The following KHNYN variants were observed in gnomAD, a reference collection of about 807,000 sequenced individuals.
KHNYN encodes KH and NYN domain containing.
A neutral mutation model predicts 62.7 loss-of-function variants in KHNYN; 42 were observed. The ratio of observed to expected loss-of-function variants is 0.67; its 90% CI spans 0.52 to 0.87. KHNYN has a LOEUF of 0.87. Among genes scored for constraint, KHNYN ranks in the 40% least tolerant of loss-of-function variants. KHNYN has a pLI of 0.00. For synonymous variants in KHNYN, 347 were observed against 345.6 expected, an observed-to-expected ratio of 1.00 and a Z score of -0.04; for missense variants, 829 against 874.1, an observed-to-expected ratio of 0.95 and a Z score of 0.65.
chr14:24,428,641 G>T, upstream of KHNYN: 1 of 1,279,800 alleles, frequency 7.8e-7, no homozygotes, highest in Non-Finnish European at 1.1e-6. Context: ...ATTAGTGAAA[G>T]ATGTAGGAAG....
chr14:24,430,491 C>G lies in KHNYN; in HGVS notation c.-17-223C>G, dbSNP rs909141415. 5 of 1,373,620 alleles carry G rather than the reference C, an allele frequency of 3.6e-6. No individual in the cohort carries two copies. The African/African-American group carries it at 4.4e-5, about 12-fold the overall frequency. 85.1% of individuals were successfully genotyped at this position (1,373,620 alleles called of 1,614,324 possible). On this transcript the variant is annotated intron_variant, in intron 1 of 7. Coordinates refer to ENST00000553935, the MANE Select transcript of KHNYN (RefSeq NM_015299.3). The stretch of plus-strand genomic sequence containing the variant: ...GTCATCCTTTTCCAAAGCCCAGACG[C>G]CCACTCTCGATAGACAGCCTTGTTT...
In KHNYN at chr14:24,432,218, C is replaced by G. The variant is rs754902013; in HGVS notation, c.957C>G (p.Phe319Leu). Residue 319 changes from phenylalanine (F) to leucine (L), a missense_variant, in exon 3 of 8, where the codon TTC becomes TTG. Phe to Leu is a conservative substitution (Grantham distance 22). Transcript: ENST00000553935. The surrounding 1 kb of genome is among the most constrained non-coding windows in gnomAD (Gnocchi z 5.6). ...AGATAGCTCTGGGAGGAGGAGGGTT[C>G]TGTGTCCACCGTGAGCCTCCCGGTG... ...KEEIALGGGGFCVHREPPGAH... is the reference protein window; with the variant it reads ...KEEIALGGGGLCVHREPPGAH... The G allele has an allele frequency of 1.2e-6, 2 of 1,601,426 alleles. No homozygotes were observed. Among genetic ancestry groups the G allele is most frequent in the South Asian group, 1.1e-5 (1 of 89,212 alleles).
rs2043151301 is a variant in KHNYN, at chr14:24,433,140, G to A, written c.1577+108G>A. On this transcript the variant is annotated intron_variant, in intron 5 of 7. Coordinates refer to ENST00000553935, the MANE Select transcript of KHNYN (RefSeq NM_015299.3). Reference sequence around the variant, plus strand: ...TTTACGCTGTTTCTAAGCCTTGGTGGTGGGTAAGGGGCCAGTTATTCCTCT... The same window carrying A: ...TTTACGCTGTTTCTAAGCCTTGGTGATGGGTAAGGGGCCAGTTATTCCTCT... 6 of 1,031,496 alleles carry A rather than the reference G, an allele frequency of 5.8e-6. No homozygotes were observed. In the South Asian group the frequency reaches 7.9e-5, roughly 14 times the overall value. 63.9% of individuals were successfully genotyped at this position (1,031,496 alleles called of 1,614,324 possible).
chr14:24,429,921 C>T, upstream of KHNYN: 2 of 1,003,728 alleles, frequency 2.0e-6, no homozygotes, highest in Non-Finnish European at 2.4e-6. Context: ...GCTGGGCTGA[C>T]TCCGCCCCAG....
In KHNYN at chr14:24,430,925, A is replaced by G. The variant is rs375760982; in HGVS notation, c.195A>G (p.Arg65=). ...AGGGCCCCAAGGAAAACGCCAGCAG[A>G]GCCAAGGTGAACGCCTTCTCTCCCC... is the stretch of plus-strand genomic sequence containing the variant. ...QLEGPKENAS[R]AKEYLKGLCS... The change falls in exon 2 of 8, where the codon AGA becomes AGG. Residue 65 remains arginine (R), a synonymous_variant. Coordinates refer to ENST00000553935, the MANE Select transcript of KHNYN (RefSeq NM_015299.3). 1.0e-4 allele frequency: 165 copies of G among 1,611,622 alleles called. No homozygotes were observed. The highest frequency in any genetic ancestry group is 1.4e-4 in the Non-Finnish European group (163 of 1,178,158).
upstream of KHNYN, chr14:24,427,860 G>A: frequency 6.2e-7 from 1 of 1,614,158 alleles, no homozygotes; most frequent in Non-Finnish European, 8.5e-7. The surrounding 1 kb of genome is among the most constrained non-coding windows in gnomAD (Gnocchi z 4.4). Flanking sequence ...CCCCGACGCA[G>A]GCGCAGAGAC....
intron 7 of KHNYN, among the ~76,000 whole-genome samples, chr14:24,436,800 C>A (rs1423094316): frequency 3.3e-5 from 5 of 152,186 alleles, no homozygotes; most frequent in African/African-American, 9.7e-5. Flanking sequence ...ATAAGTGATT[C>A]ATTTAGGACT....
rs1295894517 is a variant in KHNYN at position 24,431,525 on chromosome 14, G to T, written c.264G>T (p.Leu88=). ...LQDEIHYPPK[L]HCIFLGAQGF... The stretch of plus-strand genomic sequence containing the variant: ...ATGAAATCCACTACCCGCCCAAACT[G>T]CACTGCATCTTTCTGGGAGCCCAGG... The change falls in exon 3 of 8, where the codon CTG becomes CTT. Residue 88 remains leucine (L), a synonymous_variant. Transcript: ENST00000553935. The T allele has an allele frequency of 5.0e-6, 8 of 1,609,802 alleles. No individual in the cohort carries two copies. Among genetic ancestry groups the T allele is most frequent in the African/African-American group, 1.3e-5 (1 of 74,964 alleles).
At chr14:24,429,118 C>G (rs1308638649), upstream of KHNYN, 1 of 1,443,790 alleles carries the variant, frequency 6.9e-7, no homozygotes, top group Non-Finnish European at 9.2e-7. Context: ...TTCCGCTCCT[C>G]TCCCTGGATT....
chr14:24,432,451 G>A lies in KHNYN; in HGVS notation c.1190G>A (p.Gly397Glu). 2 of 1,613,464 alleles carry A rather than the reference G, an allele frequency of 1.2e-6. No homozygotes were observed. Among genetic ancestry groups the A allele is most frequent in the Non-Finnish European group, 1.7e-6 (2 of 1,179,872 alleles). Reference sequence around the variant, plus strand: ...CAGCAGGGCATGGCACGGGGTCGGGGGCCTCAATGGAAACGAGGCGCCCGA... The same window carrying A: ...CAGCAGGGCATGGCACGGGGTCGGGAGCCTCAATGGAAACGAGGCGCCCGA... ...DKQQGMARGRGPQWKRGARGG... is the reference protein window; with the variant it reads ...DKQQGMARGREPQWKRGARGG... The change falls in exon 3 of 8, where the codon GGG (glycine) becomes GAG (glutamate). Residue 397 changes from glycine (G) to glutamate (E), a missense_variant. By Grantham distance (98) the Gly-to-Glu change is moderately conservative (BLOSUM62 -2). Coordinates refer to ENST00000553935, the MANE Select transcript of KHNYN (RefSeq NM_015299.3). The surrounding 1 kb of genome is among the most constrained non-coding windows in gnomAD (Gnocchi z 5.6).
upstream of KHNYN, among the ~76,000 whole-genome samples, chr14:24,425,466 G>A (rs534455151): frequency 6.6e-6 from 1 of 152,308 alleles, no homozygotes; most frequent in East Asian, 1.9e-4. Flanking sequence ...TTAGGCTGAT[G>A]TAATGTCTGG....
intron 5 of KHNYN, among the ~76,000 whole-genome samples, chr14:24,434,744 A>G (rs2043179753): frequency 6.6e-6 from 1 of 152,206 alleles, no homozygotes; most frequent in Non-Finnish European, 1.5e-5. Context: ...TTTCCCAGAC[A>G]GAAGCTCAGA....
upstream of KHNYN, chr14:24,429,742 T>A (rs1202819654): frequency 1.0e-6 from 1 of 985,090 alleles, no homozygotes; most frequent in African/African-American, 1.7e-5. Context: ...TTCCGAGAAG[T>A]AACTGCGCAG....
rs149854496 is a variant in KHNYN, at chr14:24,440,688, C to T, written c.*3403C>T. ...GGCTAGAAGTGGTGGCATCCTCTCA[C>T]TCTGTAATTGTAATCTCAGCTCTCC... is the stretch of plus-strand genomic sequence containing the variant. On this transcript the variant is annotated 3_prime_UTR_variant, in exon 8 of 8. Coordinates refer to ENST00000553935, the MANE Select transcript of KHNYN (RefSeq NM_015299.3). 2,152 of 1,495,316 alleles carry T rather than the reference C, an allele frequency of 1.4e-3. 4 individuals are homozygous for T. Among genetic ancestry groups the T allele is most frequent in the Non-Finnish European group, 1.4e-3 (1,497 of 1,092,732 alleles). 92.6% of individuals were successfully genotyped at this position (1,495,316 alleles called of 1,614,324 possible).
rs1594764278 is a variant in KHNYN, at chr14:24,441,221, C to G, written c.*3936C>G. ...GCTCCCTCATTTATTAACTCTCTGA[C>G]TTGATGCAAGTTACTTAACCTCTCT... is the stretch of plus-strand genomic sequence containing the variant. On this transcript the variant is annotated 3_prime_UTR_variant, in exon 8 of 8. Coordinates refer to ENST00000553935, the MANE Select transcript of KHNYN (RefSeq NM_015299.3). The G allele has an allele frequency of 1.2e-5, 6 of 503,424 alleles. No homozygotes were observed. The East Asian group carries it at 2.4e-4, about 20-fold the overall frequency. 31.2% of individuals were successfully genotyped at this position (503,424 alleles called of 1,614,324 possible).
chr14:24,424,137 C>G, the KHNYN span, among the ~76,000 whole-genome samples: 1 of 152,148 alleles, frequency 6.6e-6, no homozygotes, highest in East Asian at 1.9e-4. Flanking sequence ...GTTTATAACA[C>G]CTATGCTTAA....
chr14:24,426,957 T>C (rs1377024592), upstream of KHNYN: 5 of 152,308 alleles, frequency 3.3e-5, no homozygotes, highest in Non-Finnish European at 5.9e-5. Context: ...ACTTCAAAGG[T>C]GGAGCAGTTT....
At chr14:24,429,114 T>C (rs752437042), upstream of KHNYN, 9 of 1,447,148 alleles carry the variant, frequency 6.2e-6, no homozygotes, top group Non-Finnish European at 8.2e-6. Context: ...CTGTTTCCGC[T>C]CCTCTCCCTG....
chr14:24,435,890 G>C (rs2043196633), intron 5 of KHNYN, 182 bp from the exon 6 acceptor site: 10 of 611,590 alleles, frequency 1.6e-5, no homozygotes, highest in Middle Eastern at 4.3e-4. Flanking sequence ...GTCCCAAATG[G>C]TTGCTGTGGT....
Sources: allele counts gnomAD v4.1 joint callset (sites outside exome capture counted in the v4.1 genomes callset), GRCh38; gene constraint gnomAD v4.1.1; non-coding constraint Gnocchi (gnomAD v3.1); transcripts MANE v1.5; gene names NCBI Gene and HGNC (gene_info 2026-07-23, HGNC 2026-07-21).